RASGRP1: variants seen among roughly 807,000 people sequenced by gnomAD.
The protein encoded by RASGRP1 is RAS guanyl-releasing protein 1.
Under a neutral mutation model 95.1 loss-of-function variants are expected in RASGRP1, and 37 were observed. That is an observed-to-expected ratio of 0.39 (90% CI 0.30 to 0.51). The LOEUF (loss-of-function observed/expected upper bound fraction) is 0.51, where lower values mean the gene tolerates loss of function less well. RASGRP1 is among the 20% of genes least tolerant of loss of function. RASGRP1 has a pLI of 0.80. For synonymous variants in RASGRP1, 325 were observed against 353.4 expected, an observed-to-expected ratio of 0.92 and a Z score of 0.90; for missense variants, 711 against 965.4, an observed-to-expected ratio of 0.74 and a Z score of 3.49.
intron 8 of RASGRP1, 123 bp from the exon 9 acceptor site, chr15:38,508,124 G>C: frequency 9.1e-7 from 1 of 1,102,352 alleles, no homozygotes; most frequent in Non-Finnish European, 1.3e-6. Context: ...GTTGAGCAGG[G>C]GGTAATTCAT....
intron 2 of RASGRP1, among the ~76,000 whole-genome samples, chr15:38,551,231 A>C (rs562489647): frequency 4.8e-4 from 73 of 152,352 alleles, no homozygotes; most frequent in Non-Finnish European, 9.8e-4. Flanking sequence ...TGACTCTTCA[A>C]ATATATCCAA....
chr15:38,515,094 A>G (rs1175908820), intron 6 of RASGRP1, among the ~76,000 whole-genome samples: 5 of 152,224 alleles, frequency 3.3e-5, no homozygotes, highest in Admixed American at 6.5e-5. Flanking sequence ...GGCTGTCAAT[A>G]TTATGAATGA....
intron 2 of RASGRP1, among the ~76,000 whole-genome samples, chr15:38,553,355 T>C (rs1566937755): frequency 6.6e-6 from 1 of 152,266 alleles, no homozygotes; most frequent in East Asian, 1.9e-4. Context: ...TGTCAATTAC[T>C]GAAAAGACTG....
chr15:38,556,141 T>C lies in RASGRP1; in HGVS notation c.220+3680A>G, dbSNP rs1225775109. ...AACCAGGTTGTGATGATTTGCCTTATTATGCTCAGCTGAAGAGAGGATTAA... is the reference window on the plus strand; with the variant it reads ...AACCAGGTTGTGATGATTTGCCTTACTATGCTCAGCTGAAGAGAGGATTAA... On this transcript the variant is annotated intron_variant, in intron 2 of 16. Transcript: ENST00000310803. Among the ~76,000 whole-genome samples, 5 of 152,232 alleles carry C rather than the reference T, an allele frequency of 3.3e-5. 1 individual carries two copies. In the South Asian group the frequency reaches 6.2e-4, roughly 19 times the overall value.
At chr15:38,501,353 G>T (rs988316005) in intron 12 of RASGRP1, 66 bp from the exon 13 acceptor site, 3 of 1,554,588 alleles carry the variant, frequency 1.9e-6, no homozygotes, top group Non-Finnish European at 8.9e-7. Context: ...GCAAGGGGGG[G>T]CTTCTAGCCT....
Position 38,494,718 on chromosome 15 carries a change from A to C in RASGRP1, c.1923T>G (p.His641Gln). The change falls in exon 16 of 17, where the codon CAT becomes CAG. Residue 641 changes from histidine (H) to glutamine (Q), a missense_variant. His to Gln is a conservative substitution (Grantham distance 24, BLOSUM62 0). This residue lies in a region of RASGRP1 where 212 missense variants were observed against 247.8 expected (regional missense o/e 0.86). Coordinates refer to ENST00000310803, the MANE Select transcript of RASGRP1 (RefSeq NM_005739.4). The part of the protein sequence containing the change: ...FTFPNGEAVE[H>Q]GEESKDRTIM... Reference sequence around the variant, plus strand: ...TGGTCCGATCCTTACTCTCCTCACCATGTTCCACAGCCTCCCCATTAGGGA... The same window carrying C: ...TGGTCCGATCCTTACTCTCCTCACCCTGTTCCACAGCCTCCCCATTAGGGA... 1.3e-6 allele frequency: 2 copies of C among 1,517,134 alleles called. No individual in the cohort carries two copies. The highest frequency in any genetic ancestry group is 1.8e-6 in the Non-Finnish European group (2 of 1,135,486). The allele number at this position is 1,517,134 out of a possible 1,614,324, so 94.0% of individuals were successfully genotyped here.
rs546459641 is a variant in RASGRP1, at chr15:38,510,552, A to T, written c.966+1052T>A. 2.0e-5 allele frequency among the ~76,000 whole-genome samples: 3 copies of T among 152,326 alleles called. No individual in the cohort carries two copies. The East Asian group carries it at 5.8e-4, about 29-fold the overall frequency. On this transcript the variant is annotated intron_variant, in intron 8 of 16. Coordinates refer to ENST00000310803, the MANE Select transcript of RASGRP1 (RefSeq NM_005739.4). ...TTCCTCTCCATGCTAGTTTGGAAGG[A>T]TTGGGGCTTGAGTATAGTAAGGTCC...
chr15:38,547,117 T>C lies in RASGRP1; in HGVS notation c.220+12704A>G, dbSNP rs533835740. On this transcript the variant is annotated intron_variant, in intron 2 of 16. Transcript: ENST00000310803. ...ACATCCTTCAATACTCATATCTACA[T>C]GTATACACTTTGAGTACGACTATAA... Among the ~76,000 whole-genome samples, 47 of 152,356 alleles carry C rather than the reference T, an allele frequency of 3.1e-4. 1 individual carries two copies. In the South Asian group the frequency reaches 7.0e-3, roughly 23 times the overall value.
chr15:38,542,710 G>C (rs1401312582), intron 2 of RASGRP1, among the ~76,000 whole-genome samples: 9 of 151,526 alleles, frequency 5.9e-5, no homozygotes, highest in Non-Finnish European at 1.2e-4. Context: ...TCAAAAGCAT[G>C]ATCAGAAATC....
chr15:38,510,139 T>A (rs1004690615), intron 8 of RASGRP1, among the ~76,000 whole-genome samples: 3 of 152,222 alleles, frequency 2.0e-5, no homozygotes, highest in African/African-American at 7.2e-5. Context: ...CTGGACTTAC[T>A]AATTCACTAT....
intron 10 of RASGRP1, chr15:38,504,363 A>G (rs1345623898): frequency 6.6e-6 from 1 of 152,198 alleles, no homozygotes; most frequent in Non-Finnish European, 1.5e-5. Flanking sequence ...TAAAGCACAC[A>G]TTGTATAGCT....
At chr15:38,505,664 A>G (rs948434835) in intron 10 of RASGRP1, among the ~76,000 whole-genome samples, 176 bp downstream of exon 10, 4 of 152,218 alleles carry the variant, frequency 2.6e-5, no homozygotes, top group Admixed American at 2.0e-4. Context: ...ATGGACAGGA[A>G]CTATTCCTCA....
At chr15:38,535,686 G>C (rs1892617861) in intron 2 of RASGRP1, among the ~76,000 whole-genome samples, 1 of 152,208 alleles carries the variant, frequency 6.6e-6, no homozygotes, top group Non-Finnish European at 1.5e-5. Flanking sequence ...TCCTTCCAAA[G>C]TGTGAAGCTC....
intron 16 of RASGRP1, among the ~76,000 whole-genome samples, chr15:38,492,483 A>T (rs1890624212): frequency 6.6e-6 from 1 of 152,204 alleles, no homozygotes; most frequent in African/African-American, 2.4e-5. Context: ...GAATTATATA[A>T]GGAATTCTAC....
intron 10 of RASGRP1, chr15:38,503,992 T>TAACA (rs34929559): frequency 3.3e-5 from 5 of 152,720 alleles, no homozygotes; most frequent in African/African-American, 1.2e-4. Flanking sequence ...TACATACCTA[T>TAACA]ACAGCAGGTT....
chr15:38,500,411 G>A (rs980148283), intron 13 of RASGRP1, among the ~76,000 whole-genome samples: 7 of 151,476 alleles, frequency 4.6e-5, no homozygotes, highest in African/African-American at 9.7e-5. Context: ...GTGCGATCTC[G>A]GCTCACTGCA....
rs1326525401 is a variant in RASGRP1 at position 38,498,795 on chromosome 15, A to G, written c.1872T>C (p.His624=). ...LCSLGAKDLL[H]APEEGPFTFP... ...TGAATGTTCCCAGTGCCTACTTACC[A>G]TGGAGCAGATCTTTGGCTCCCAATG... The change falls in exon 15 of 17, where the codon CAT becomes CAC. Residue 624 remains histidine (H), a splice_region_variant and synonymous_variant. Transcript: ENST00000310803. 2 of 1,612,604 alleles carry G rather than the reference A, an allele frequency of 1.2e-6. No individual in the cohort carries two copies. The highest frequency in any genetic ancestry group is 1.1e-5 in the South Asian group (1 of 90,978).
rs553544951 is a variant in RASGRP1 at position 38,489,789 on chromosome 15, A to G, written c.*765T>C. 2 of 151,862 alleles carry G rather than the reference A, an allele frequency of 1.3e-5. No homozygotes were observed. The highest frequency in any genetic ancestry group is 2.9e-5 in the Non-Finnish European group (2 of 67,882). The allele number at this position is 151,862 out of a possible 1,614,324, so 9.4% of individuals were successfully genotyped here. ...CACTGTAGAATATATAAGGACAAAC[A>G]TGTTTGCGTTATGTTTATTTTAATT... On this transcript the variant is annotated 3_prime_UTR_variant, in exon 17 of 17. Coordinates refer to ENST00000310803, the MANE Select transcript of RASGRP1 (RefSeq NM_005739.4).
At chr15:38,554,160 G>A (rs1203161975) in intron 2 of RASGRP1, among the ~76,000 whole-genome samples, 2 of 152,080 alleles carry the variant, frequency 1.3e-5, no homozygotes, top group African/African-American at 2.4e-5. Flanking sequence ...CAGAAAGAAC[G>A]CGAACCTCGG....
Sources: gnomAD v4.1 joint callset for allele counts (sites outside exome capture counted in the v4.1 genomes callset) on GRCh38, gnomAD v4.1.1 for gene constraint, gnomAD v4.1.1 regional missense constraint, MANE v1.5 for transcripts, NCBI Gene and HGNC (gene_info 2026-07-23, HGNC 2026-07-21) for gene names.